VPS45: variants seen among roughly 807,000 people sequenced by gnomAD.
The protein encoded by VPS45 is vacuolar protein sorting-associated protein 45.
In VPS45, 35 loss-of-function variants were observed where a neutral mutation model predicts 75.9. That is an observed-to-expected ratio of 0.46 (90% CI 0.35 to 0.61). VPS45 has a LOEUF of 0.61. Ranked by LOEUF, VPS45 falls within the 20% of genes least tolerant of loss-of-function variation. The pLI is 0.00. For synonymous variants in VPS45, 220 were observed against 238.2 expected (o/e 0.92, Z 0.70); for missense variants, 559 against 685.9 (o/e 0.81, Z 2.07).
intron 14 of VPS45, among the ~76,000 whole-genome samples, chr1:150,118,377 CT>C: frequency 6.6e-6 from 1 of 151,388 alleles, no homozygotes; most frequent in African/African-American, 2.4e-5. Flanking sequence ...TAGGGTTTTC[CT>C]TAAATTAGTG....
chr1:150,093,419 C>T (rs1656449616), intron 12 of VPS45, 108 bp from the exon 13 acceptor site: 1 of 1,212,294 alleles, frequency 8.2e-7, no homozygotes, highest in Non-Finnish European at 1.1e-6. Context: ...GTAAATCTAT[C>T]CCATGAAATC....
intron 13 of VPS45, among the ~76,000 whole-genome samples, chr1:150,108,887 C>T (rs139686026): frequency 4.0e-4 from 61 of 152,250 alleles, no homozygotes; most frequent in African/African-American, 1.4e-3. Context: ...TGCTGTGCCC[C>T]CGCCCAGTTC....
At chr1:150,117,907 G>A (rs1658025827) in intron 14 of VPS45, among the ~76,000 whole-genome samples, 1 of 151,706 alleles carries the variant, frequency 6.6e-6, no homozygotes, top group African/African-American at 2.4e-5. Context: ...GATTAGTAAA[G>A]ATTTTTTATA....
intron 3 of VPS45, among the ~76,000 whole-genome samples, chr1:150,074,289 C>T (rs1655247118): frequency 6.6e-6 from 1 of 151,968 alleles, no homozygotes; most frequent in Admixed American, 6.6e-5. Context: ...TCCCGAAGTA[C>T]TGGGATTACA....
chr1:150,078,676 C>G (rs1279762303), intron 7 of VPS45, among the ~76,000 whole-genome samples: 2 of 152,018 alleles, frequency 1.3e-5, no homozygotes, highest in African/African-American at 4.8e-5. Flanking sequence ...GCAGGAGAAT[C>G]ATTTGAACCC....
At chr1:150,143,378 C>A (rs1300759278) in intron 14 of VPS45, among the ~76,000 whole-genome samples, 1 of 151,910 alleles carries the variant, frequency 6.6e-6, no homozygotes, top group Non-Finnish European at 1.5e-5. Flanking sequence ...TCACTTGAGG[C>A]CAGGAATTTG....
At chr1:150,108,989 G>C (rs1419091833) in intron 13 of VPS45, among the ~76,000 whole-genome samples, 1 of 151,988 alleles carries the variant, frequency 6.6e-6, no homozygotes, top group Non-Finnish European at 1.5e-5. Context: ...CTTCATCATT[G>C]GTAGCTTGTA....
At chr1:150,079,961 A>T (rs1655608472) in intron 7 of VPS45, among the ~76,000 whole-genome samples, 1 of 152,194 alleles carries the variant, frequency 6.6e-6, no homozygotes, top group African/African-American at 2.4e-5. Context: ...CACAGATTTC[A>T]CTGGGGACTT....
At chr1:150,088,434 A>AAT (rs200780573) in intron 10 of VPS45, among the ~76,000 whole-genome samples, 10,747 of 125,232 alleles carry the variant, frequency 0.086, 736 homozygotes, top group African/African-American at 0.18. Flanking sequence ...CTGAATAATA[A>AAT]ATATATATAT....
At chr1:150,076,354 T>C (rs782079414) in intron 4 of VPS45, 42 bp downstream of exon 4, 7 of 1,462,496 alleles carry the variant, frequency 4.8e-6, no homozygotes, top group South Asian at 2.6e-5. Context: ...ATGTTGGCCC[T>C]TTTTAAATAT....
At chr1:150,121,847 G>A (rs1197403219) in intron 14 of VPS45, among the ~76,000 whole-genome samples, 1 of 152,018 alleles carries the variant, frequency 6.6e-6, no homozygotes, top group Non-Finnish European at 1.5e-5. Context: ...TAATGCAGGG[G>A]GAGACAGAAA....
chr1:150,144,750 G>A lies in VPS45; in HGVS notation c.1667G>A (p.Ser556Asn). 1 of 1,614,180 alleles carries A rather than the reference G, an allele frequency of 6.2e-7. No homozygotes were observed. The highest frequency in any genetic ancestry group is 8.5e-7 in the Non-Finnish European group (1 of 1,180,034). ...CTGGCTTCTGGACTGCACAGCCGAA[G>A]CAAGGAGAGCTCTCAAGTCACATCA... ...EVLASGLHSR[S>N]KESSQVTSRS... The change falls in exon 15 of 15, where the codon AGC becomes AAC. Residue 556 changes from serine (S) to asparagine (N), a missense_variant. Physicochemically the swap from Ser to Asn is conservative, Grantham distance 46 (BLOSUM62 1). Coordinates refer to ENST00000644510, the MANE Select transcript of VPS45 (RefSeq NM_007259.5).
At chr1:150,116,801 G>T (rs889702713) in intron 14 of VPS45, among the ~76,000 whole-genome samples, 1 of 152,138 alleles carries the variant, frequency 6.6e-6, no homozygotes, top group Non-Finnish European at 1.5e-5. Context: ...TCCTCTGAGA[G>T]TTAATATTTC....
chr1:150,126,577 T>C (rs1236514487), intron 14 of VPS45, among the ~76,000 whole-genome samples: 1 of 152,058 alleles, frequency 6.6e-6, no homozygotes, highest in Non-Finnish European at 1.5e-5. Context: ...GATTGAGGAG[T>C]TGGTTATACA....
chr1:150,072,316 G>A, intron 3 of VPS45, 90 bp downstream of exon 3: 1 of 904,566 alleles, frequency 1.1e-6, no homozygotes, highest in Non-Finnish European at 1.7e-6. Flanking sequence ...TAACTTCATT[G>A]AATCTGTCAC....
intron 14 of VPS45, among the ~76,000 whole-genome samples, chr1:150,134,291 C>T (rs1553813078): frequency 6.6e-6 from 1 of 152,164 alleles, no homozygotes; most frequent in Non-Finnish European, 1.5e-5. Flanking sequence ...AGTCAAAACT[C>T]ATATTAGCAT....
chr1:150,086,497 G>T (rs1656021734), intron 10 of VPS45, among the ~76,000 whole-genome samples: 1 of 151,940 alleles, frequency 6.6e-6, no homozygotes, highest in Non-Finnish European at 1.5e-5. Context: ...TTTTGTGTGT[G>T]TGTTTTGTTT....
intron 13 of VPS45, among the ~76,000 whole-genome samples, chr1:150,105,722 T>A (rs116793560): frequency 0.029 from 4,341 of 152,258 alleles, 156 homozygotes; most frequent in African/African-American, 0.091. Flanking sequence ...TTCCTATCAA[T>A]TTACCAACAT....
rs1553796313 is a variant in VPS45 at position 150,068,625 on chromosome 1, T to C, written c.94-5T>C. ...ATACTTTTAGTTAATCTTTTGTTTT[T>C]ACAGACTGGCATAGTGAGTATGGTA... is the stretch of plus-strand genomic sequence containing the variant. On this transcript the variant is annotated splice_region_variant and splice_polypyrimidine_tract_variant and intron_variant, in intron 1 of 14. Transcript: ENST00000644510. The C allele has an allele frequency of 1.3e-6, 2 of 1,519,894 alleles. No individual in the cohort carries two copies. Among genetic ancestry groups the C allele is most frequent in the East Asian group, 4.8e-5 (2 of 41,968 alleles). The allele number at this position is 1,519,894 out of a possible 1,614,324, so 94.2% of individuals were successfully genotyped here.
Sources: gnomAD v4.1 joint callset for allele counts (sites outside exome capture counted in the v4.1 genomes callset) on GRCh38, gnomAD v4.1.1 for gene constraint, MANE v1.5 for transcripts, NCBI Gene and HGNC (gene_info 2026-07-23, HGNC 2026-07-21) for gene names.